The following NCKAP1 variants were observed in gnomAD, a reference collection of about 807,000 sequenced individuals.
NCKAP1 encodes the protein NCK associated protein 1, also known as nck-associated protein 1.
NCKAP1 carries 21 observed loss-of-function variants against 151.2 expected under a neutral mutation model. The ratio of observed to expected loss-of-function variants is 0.14; its 90% CI spans 0.10 to 0.20. The LOEUF is 0.20. NCKAP1 is among the 10% of genes least tolerant of loss of function. The pLI is 1.00. For synonymous variants in NCKAP1, 484 were observed against 451.8 expected (o/e 1.07, Z -0.90); for missense variants, 933 against 1,352.1 (o/e 0.69, Z 4.86).
rs769361317 is a variant in NCKAP1, at chr2:182,989,034, G to T, written c.943C>A (p.Arg315=). 6.2e-7 allele frequency: 1 copy of T among 1,609,470 alleles called. No individual in the cohort carries two copies. Among genetic ancestry groups the T allele is most frequent in the African/African-American group, 1.3e-5 (1 of 74,520 alleles). ...AAATAAATGAAAATGCCATACCCTCGTATGTTTACAAATAAGTCTTCTGCA... is the reference window on the plus strand; with the variant it reads ...AAATAAATGAAAATGCCATACCCTCTTATGTTTACAAATAAGTCTTCTGCA... ...KAAEDLFVNI[R]GYNKRINDIR... The change falls in exon 9 of 31, where the codon CGA becomes AGA. Residue 315 remains arginine, a synonymous_variant. Coordinates refer to ENST00000361354, the MANE Select transcript of NCKAP1 (RefSeq NM_013436.5).
At chr2:182,994,711 G>C in intron 8 of NCKAP1, 128 bp downstream of exon 8, 2 of 715,834 alleles carry the variant, frequency 2.8e-6, no homozygotes, top group Non-Finnish European at 4.8e-6. Flanking sequence ...TATGAGGACT[G>C]AAAGAGGTAA....
At chr2:182,990,872 A>T (rs180824925) in intron 8 of NCKAP1, among the ~76,000 whole-genome samples, 2 of 152,336 alleles carry the variant, frequency 1.3e-5, no homozygotes, top group African/African-American at 4.8e-5. Context: ...AATCATACAC[A>T]CATATTTAAC....
chr2:183,005,250 T>C (rs1009634058), intron 2 of NCKAP1, among the ~76,000 whole-genome samples: 19 of 152,208 alleles, frequency 1.2e-4, no homozygotes, highest in Admixed American at 6.5e-4. Flanking sequence ...TTGGTTTATA[T>C]TGGGCTTAAT....
At chr2:182,972,818 G>T (rs1177831046) in intron 15 of NCKAP1, among the ~76,000 whole-genome samples, 4 of 152,160 alleles carry the variant, frequency 2.6e-5, no homozygotes, top group Non-Finnish European at 5.9e-5. Context: ...AATGTCACAT[G>T]TTCTTACTCC....
rs912090763 is a variant in NCKAP1, at chr2:182,982,015, T to C, written c.1209-639A>G. Among the ~76,000 whole-genome samples the C allele has an allele frequency of 1.6e-4, 24 of 151,992 alleles. No homozygotes were observed. The East Asian group carries it at 4.2e-3, about 27-fold the overall frequency. ...AAAGAAGATTAGCAAGAAATAAAATTTTTCTGTATGCTCTTATTTCTCTGC... is the reference window on the plus strand; with the variant it reads ...AAAGAAGATTAGCAAGAAATAAAATCTTTCTGTATGCTCTTATTTCTCTGC... On this transcript the variant is annotated intron_variant, in intron 12 of 30. Coordinates refer to ENST00000361354, the MANE Select transcript of NCKAP1 (RefSeq NM_013436.5).
intron 17 of NCKAP1, among the ~76,000 whole-genome samples, chr2:182,963,380 T>C (rs533860367): frequency 8.5e-4 from 130 of 152,280 alleles, no homozygotes; most frequent in Non-Finnish European, 1.7e-3. Context: ...AGATACTAAC[T>C]TACTTAAAAT....
At chr2:182,999,059 A>G (rs1336857047) in intron 6 of NCKAP1, among the ~76,000 whole-genome samples, 3 of 152,158 alleles carry the variant, frequency 2.0e-5, no homozygotes. Flanking sequence ...AATCAATATC[A>G]TTAAAATGAC....
intron 6 of NCKAP1, among the ~76,000 whole-genome samples, chr2:182,998,037 T>A (rs1204260300): frequency 6.6e-6 from 1 of 152,150 alleles, no homozygotes; most frequent in Non-Finnish European, 1.5e-5. Context: ...AGCAAATCAA[T>A]AAATGTGATT....
At chr2:182,932,678 A>C (rs976352183) in intron 26 of NCKAP1, among the ~76,000 whole-genome samples, 1 of 151,894 alleles carries the variant, frequency 6.6e-6, no homozygotes, top group Non-Finnish European at 1.5e-5. Flanking sequence ...TTTTTTTTAA[A>C]AGTTAAGTTC....
intron 17 of NCKAP1, among the ~76,000 whole-genome samples, chr2:182,963,998 A>T (rs1479358204): frequency 1.3e-5 from 2 of 152,150 alleles, no homozygotes; most frequent in Non-Finnish European, 2.9e-5. Context: ...TCTTTTCTAC[A>T]AGTTCTGCAA....
At position 182,934,427 on chromosome 2, in the gene NCKAP1, G is replaced by A. The variant is rs148662505; in HGVS notation, c.2859+325C>T. 8.1e-3 allele frequency: 1,298 copies of A among 161,080 alleles called. 18 individuals are homozygous for A. Among genetic ancestry groups the A allele is most frequent in the African/African-American group, 0.03 (1,232 of 41,524 alleles). 10.0% of individuals were successfully genotyped at this position (161,080 alleles called of 1,614,324 possible). A position where few individuals can be genotyped will look rare whatever the true frequency, so the allele number is the denominator to read the frequency against. On this transcript the variant is annotated intron_variant, in intron 26 of 30. Coordinates refer to ENST00000361354, the MANE Select transcript of NCKAP1 (RefSeq NM_013436.5). ...CTCCCAAAGTGCTGGGATTACAGGC[G>A]TGAGCCACCGTGCCTGGCCACCTCA...
intron 2 of NCKAP1, among the ~76,000 whole-genome samples, chr2:183,018,504 G>C (rs1241602202): frequency 1.3e-5 from 2 of 152,058 alleles, no homozygotes; most frequent in African/African-American, 4.8e-5. Context: ...GTGCATGCAT[G>C]TGTCAAGGGC....
In NCKAP1 at chr2:182,952,485, C is replaced by A; in HGVS notation, c.2521G>T (p.Glu841Ter). 6.2e-7 allele frequency: 1 copy of A among 1,601,748 alleles called. No homozygotes were observed. The highest frequency in any genetic ancestry group is 1.1e-5 in the South Asian group (1 of 88,234). The stretch of plus-strand genomic sequence containing the variant: ...TTCATACCATATGGGCCTAGTAGTT[C>A]TGATAATGACCTCATTTCTGAAAGA... ...SDISEMRSLS[E>*]LLGPYGMKFL... The change falls in exon 23 of 31, where the codon GAA becomes TAA. Residue 841 changes from glutamate to a stop codon, truncating the protein, a stop_gained. Transcript: ENST00000361354. LOFTEE classifies it high-confidence loss of function.
intron 16 of NCKAP1, among the ~76,000 whole-genome samples, chr2:182,965,260 A>G (rs1018192420): frequency 3.4e-5 from 3 of 88,070 alleles, no homozygotes; most frequent in Admixed American, 1.5e-4. Flanking sequence ...AGAGAGAAAT[A>G]TTTTATGAAC....
At chr2:182,952,560 G>A in intron 22 of NCKAP1, 58 bp from the exon 23 acceptor site, 1 of 1,297,806 alleles carries the variant, frequency 7.7e-7, no homozygotes, top group East Asian at 2.4e-5. Flanking sequence ...TTAAGAAAAT[G>A]AACATTAACA....
intron 16 of NCKAP1, among the ~76,000 whole-genome samples, chr2:182,966,976 G>GT (rs1369561029): frequency 6.6e-6 from 1 of 152,082 alleles, no homozygotes; most frequent in Non-Finnish European, 1.5e-5. Flanking sequence ...TCAAAAAAAT[G>GT]TAAGAAATAA....
chr2:183,003,072 C>T (rs956406612), intron 3 of NCKAP1, 42 bp from the exon 4 acceptor site: 2 of 1,529,648 alleles, frequency 1.3e-6, no homozygotes, highest in Non-Finnish European at 1.8e-6. Context: ...CTGTATAAAT[C>T]TGTTTAAATT....
chr2:182,933,230 T>A (rs1028744881), intron 26 of NCKAP1, among the ~76,000 whole-genome samples: 4 of 151,900 alleles, frequency 2.6e-5, no homozygotes, highest in African/African-American at 9.7e-5. Flanking sequence ...TCAAGTAGAA[T>A]AAATTAGAAG....
intron 1 of NCKAP1, among the ~76,000 whole-genome samples, chr2:183,036,168 T>TTA (rs1699099042): frequency 6.6e-6 from 1 of 152,192 alleles, no homozygotes; most frequent in Admixed American, 6.5e-5. Context: ...GAACTGGAAT[T>TTA]ATTAGAGTTC....
Sources: allele counts gnomAD v4.1 joint callset (sites outside exome capture counted in the v4.1 genomes callset), GRCh38; gene constraint gnomAD v4.1.1; transcripts MANE v1.5; gene names NCBI Gene and HGNC (gene_info 2026-07-23, HGNC 2026-07-21).